The following COA1 variants were observed in gnomAD, a reference collection of about 807,000 sequenced individuals.
COA1 encodes cytochrome c oxidase assembly factor 1.
A neutral mutation model predicts 16.0 loss-of-function variants in COA1; 13 were observed. The observed-to-expected ratio is 0.81, with a 90% CI of 0.53 to 1.29. COA1 has a LOEUF of 1.29. COA1 is among the 50% of genes most tolerant of loss of function. COA1 has a pLI of 0.00. For synonymous variants in COA1, 65 were observed against 65.7 expected (o/e 0.99, Z 0.05); for missense variants, 179 against 177.0 (o/e 1.01, Z -0.06).
intron 1 of COA1, among the ~76,000 whole-genome samples, chr7:43,721,357 A>C (rs547190362): frequency 6.6e-6 from 1 of 152,370 alleles, no homozygotes; most frequent in East Asian, 1.9e-4. Context: ...GCTGACAAAA[A>C]GCCACAATCT....
At chr7:43,614,802 T>G (rs1480757392) in intron 6 of COA1, among the ~76,000 whole-genome samples, 2 of 152,242 alleles carry the variant, frequency 1.3e-5, no homozygotes, top group Non-Finnish European at 2.9e-5. Context: ...TACAATAAGA[T>G]TTTAATAATT....
At chr7:43,674,654 C>G (rs2093430366) in intron 1 of COA1, among the ~76,000 whole-genome samples, 1 of 152,108 alleles carries the variant, frequency 6.6e-6, no homozygotes, top group South Asian at 2.1e-4. Flanking sequence ...TGATGTAATC[C>G]TAAAGTTGGA....
chr7:43,643,407 TAGCCAAGTGACCAAA>T (rs1361409948), intron 4 of COA1, among the ~76,000 whole-genome samples: 5 of 152,238 alleles, frequency 3.3e-5, no homozygotes, highest in African/African-American at 1.2e-4. Context: ...TGCTGGGGTC[TAGCCAAGTGACCAAA>T]GGCAAGGAAG....
At chr7:43,728,176 G>C (rs1585653736) in intron 1 of COA1, among the ~76,000 whole-genome samples, 1 of 151,996 alleles carries the variant, frequency 6.6e-6, no homozygotes, top group Non-Finnish European at 1.5e-5. Context: ...GGGTTTCACC[G>C]TGTTAGCCAG....
At chr7:43,644,799 C>CAGAGAGAGACAGAGAG (rs2088659530) in intron 4 of COA1, among the ~76,000 whole-genome samples, 1 of 75,356 alleles carries the variant, frequency 1.3e-5, no homozygotes, top group African/African-American at 5.6e-5. Flanking sequence ...GGCAGAGAGA[C>CAGAGAGAGACAGAGAG]AGAGAGAGAG....
chr7:43,664,876 G>A (rs1170175255), intron 1 of COA1, among the ~76,000 whole-genome samples: 1 of 152,196 alleles, frequency 6.6e-6, no homozygotes, highest in Non-Finnish European at 1.5e-5. Context: ...TAAATCAACT[G>A]ACATTTATCA....
chr7:43,720,497 G>T (rs1449340450), intron 1 of COA1, among the ~76,000 whole-genome samples: 1 of 151,954 alleles, frequency 6.6e-6, no homozygotes, highest in African/African-American at 2.4e-5. Context: ...AAAATATGGG[G>T]AGTGACATGA....
intron 3 of COA1, chr7:43,647,092 G>A (rs1472866461): frequency 5.5e-6 from 1 of 183,396 alleles, no homozygotes; most frequent in Non-Finnish European, 1.2e-5. Context: ...CCCTGCCAGA[G>A]TTCCTTGCTC....
At chr7:43,705,945 C>A (rs1249717098) in intron 1 of COA1, among the ~76,000 whole-genome samples, 1 of 152,108 alleles carries the variant, frequency 6.6e-6, no homozygotes, top group East Asian at 1.9e-4. Context: ...CCTCCCCTTT[C>A]AGCCTGGTAT....
intron 1 of COA1, among the ~76,000 whole-genome samples, chr7:43,682,894 G>A (rs1288648005): frequency 6.6e-6 from 1 of 152,178 alleles, no homozygotes; most frequent in Non-Finnish European, 1.5e-5. Context: ...CTGTCGCCCA[G>A]GCTGGAGTGC....
intron 1 of COA1, among the ~76,000 whole-genome samples, chr7:43,704,401 C>T (rs1252145866): frequency 1.3e-5 from 2 of 152,162 alleles, no homozygotes; most frequent in Non-Finnish European, 2.9e-5. Context: ...AAGATATCCT[C>T]AATTATGTTT....
chr7:43,694,990 C>A (rs2094484676), intron 1 of COA1, among the ~76,000 whole-genome samples: 1 of 127,416 alleles, frequency 7.8e-6, no homozygotes, highest in South Asian at 2.5e-4. Context: ...TGTACTTTTT[C>A]TCTCACACTT....
chr7:43,647,593 G>C lies in COA1; in HGVS notation c.57C>G (p.Ile19Met). Residue 19 changes from isoleucine (I) to methionine (M), a missense_variant, in exon 3 of 6, where the codon ATC (isoleucine) becomes ATG (methionine). Ile to Met is a conservative substitution (Grantham distance 10). Transcript: ENST00000223336. ...SRRSMPLGAR[I>M]LFHGVFYAGG... ...CGGCATAGAACACACCGTGGAAAAG[G>C]ATCCTTGCTCCCAGAGGCATTGACC... 1 of 1,614,050 alleles carries C rather than the reference G, an allele frequency of 6.2e-7. No individual in the cohort carries two copies.
downstream of COA1, among the ~76,000 whole-genome samples, chr7:43,635,222 A>G (rs2085666736): frequency 6.6e-6 from 1 of 152,152 alleles, no homozygotes; most frequent in African/African-American, 2.4e-5. Context: ...TGTCTCTCCA[A>G]TTGAATATTA....
At chr7:43,715,749 A>T (rs1393736950) in intron 1 of COA1, among the ~76,000 whole-genome samples, 1 of 152,220 alleles carries the variant, frequency 6.6e-6, no homozygotes, top group East Asian at 1.9e-4. Flanking sequence ...GTATTTAGAG[A>T]CACAATATAG....
chr7:43,628,617 T>C (rs1167266029), intron 6 of COA1, among the ~76,000 whole-genome samples: 1 of 152,228 alleles, frequency 6.6e-6, no homozygotes, highest in Non-Finnish European at 1.5e-5. Context: ...ACAATTGGTA[T>C]TGTCCACCTG....
At chr7:43,708,340 A>G (rs1437946480) in intron 1 of COA1, among the ~76,000 whole-genome samples, 1 of 152,180 alleles carries the variant, frequency 6.6e-6, no homozygotes, top group Non-Finnish European at 1.5e-5. Context: ...ACATGTCTGT[A>G]GGCCCAACTG....
intron 6 of COA1, chr7:43,624,503 CAT>C (rs780272343): frequency 2.5e-6 from 4 of 1,591,400 alleles, no homozygotes; most frequent in Non-Finnish European, 3.4e-6. Context: ...AACTGTAAAA[CAT>C]GTATCTTTAC....
At chr7:43,687,339 T>G (rs970420027) in intron 1 of COA1, among the ~76,000 whole-genome samples, 2 of 152,222 alleles carry the variant, frequency 1.3e-5, no homozygotes, top group African/African-American at 4.8e-5. Flanking sequence ...AAAACAAGCT[T>G]GCCTAAGACA....
Sources: allele counts gnomAD v4.1 joint callset (sites outside exome capture counted in the v4.1 genomes callset), GRCh38; gene constraint gnomAD v4.1.1; transcripts MANE v1.5; gene names NCBI Gene and HGNC (gene_info 2026-07-23, HGNC 2026-07-21).